The following BLTP1 variants were observed in gnomAD, a reference collection of about 807,000 sequenced individuals.
The protein encoded by BLTP1 is fragile site-associated protein.
At chr4:122,305,775 G>T in the BLTP1 span, 1 of 1,363,880 alleles carries the variant, frequency 7.3e-7, no homozygotes. Flanking sequence ...TGAGAAAAAT[G>T]TATTATAGTT....
chr4:122,342,936 A>G, the BLTP1 span, among the ~76,000 whole-genome samples: 1 of 152,190 alleles, frequency 6.6e-6, no homozygotes, highest in African/African-American at 2.4e-5. Context: ...AATGTTACCA[A>G]CAAGGACACT....
At chr4:122,278,155 G>A in the BLTP1 span, among the ~76,000 whole-genome samples, 1 of 151,996 alleles carries the variant, frequency 6.6e-6, no homozygotes, top group Non-Finnish European at 1.5e-5. Flanking sequence ...ACAAACTGTG[G>A]AAAATGGAAT....
chr4:122,302,589 T>A, the BLTP1 span, among the ~76,000 whole-genome samples: 2 of 152,160 alleles, frequency 1.3e-5, no homozygotes, highest in Non-Finnish European at 2.9e-5. Flanking sequence ...TCACTTTCAA[T>A]CAAAAGCTAG....
chr4:122,261,872 T>G, the BLTP1 span: 1 of 985,322 alleles, frequency 1.0e-6, no homozygotes, highest in African/African-American at 1.7e-5. Flanking sequence ...TTTCCTCATC[T>G]AAGTGAGGAT....
chr4:122,209,382 C>A, the BLTP1 span: 4 of 1,588,514 alleles, frequency 2.5e-6, no homozygotes, highest in Middle Eastern at 4.2e-4. Flanking sequence ...CAGTGGCTCA[C>A]GCCTGTAATC....
the BLTP1 span, chr4:122,356,768 C>T: frequency 1.2e-6 from 2 of 1,603,916 alleles, no homozygotes; most frequent in South Asian, 1.1e-5. Flanking sequence ...GGGTGGAATA[C>T]TCTTTTTCTT....
At chr4:122,201,879 C>A in the BLTP1 span, 375 of 984,806 alleles carry the variant, frequency 3.8e-4, 2 homozygotes, top group African/African-American at 6.1e-3. Flanking sequence ...AGCGTCTCAT[C>A]GATGCTGAGT....
chr4:122,343,234 A>C, the BLTP1 span: 1 of 379,092 alleles, frequency 2.6e-6, no homozygotes, highest in Admixed American at 6.4e-5. Context: ...TGGAAAATAC[A>C]TCTAAGTCTT....
chr4:122,266,928 C>G, the BLTP1 span: 3 of 1,592,566 alleles, frequency 1.9e-6, no homozygotes, highest in Non-Finnish European at 2.6e-6. Flanking sequence ...TCAGACACAG[C>G]CAAAGAGAGA....
chr4:122,333,634 A>G, the BLTP1 span: 18 of 1,597,034 alleles, frequency 1.1e-5, no homozygotes, highest in Non-Finnish European at 1.5e-5. Flanking sequence ...CACAGGAGTT[A>G]TGATCGAAGT....
At chr4:122,213,075 C>G in the BLTP1 span, among the ~76,000 whole-genome samples, 1 of 152,138 alleles carries the variant, frequency 6.6e-6, no homozygotes, top group Non-Finnish European at 1.5e-5. Context: ...CTTTGTCATT[C>G]AGGTTGGAGT....
chr4:122,220,617 G>A, the BLTP1 span: 4 of 640,008 alleles, frequency 6.2e-6, no homozygotes, highest in East Asian at 6.4e-5. Flanking sequence ...AGTTTTGTAT[G>A]TATGTTTATG....
the BLTP1 span, among the ~76,000 whole-genome samples, chr4:122,192,664 G>A: frequency 6.6e-6 from 1 of 151,678 alleles, no homozygotes; most frequent in Non-Finnish European, 1.5e-5. Context: ...TTTTCTTTTG[G>A]ATTTAATCAA....
chr4:122,205,645 CT>C, the BLTP1 span, among the ~76,000 whole-genome samples: 1 of 143,392 alleles, frequency 7.0e-6, no homozygotes, highest in East Asian at 2.0e-4. Context: ...CCCCCCTTCT[CT>C]CTCTCTCTCT....
At chr4:122,328,403 AGAAATGAGCAC>A in the BLTP1 span, 1 of 1,519,076 alleles carries the variant, frequency 6.6e-7, no homozygotes, top group Non-Finnish European at 9.0e-7. Flanking sequence ...TTCAGAATCT[AGAAATGAGCAC>A]AAAATGTTAT....
the BLTP1 span, chr4:122,276,502 T>C: frequency 2.0e-6 from 2 of 982,950 alleles, no homozygotes; most frequent in Non-Finnish European, 2.4e-6. Flanking sequence ...CTTTACTATA[T>C]GTAAATATGT....
chr4:122,362,204 A>C, the BLTP1 span: 1 of 1,613,438 alleles, frequency 6.2e-7, no homozygotes, highest in Non-Finnish European at 8.5e-7. Flanking sequence ...ACTGCACTAC[A>C]GGATGAAAAG....
chr4:122,222,774 C>G, the BLTP1 span: 1 of 154,368 alleles, frequency 6.5e-6, no homozygotes, highest in African/African-American at 2.4e-5. Flanking sequence ...TTATCATAAC[C>G]TAATTATATC....
chr4:122,152,403 A>T, the BLTP1 span: 4 of 985,356 alleles, frequency 4.1e-6, no homozygotes, highest in Non-Finnish European at 4.8e-6. Flanking sequence ...GGCTGCGGCC[A>T]GGGTCTGGAC....
Sources: gnomAD v4.1 joint callset for allele counts (sites outside exome capture counted in the v4.1 genomes callset) on GRCh38, gnomAD v4.1.1 for gene constraint, MANE v1.5 for transcripts, NCBI Gene and HGNC (gene_info 2026-07-23, HGNC 2026-07-21) for gene names.